The following ITPR2 variants were observed in gnomAD, a reference collection of about 807,000 sequenced individuals.
ITPR2 encodes inositol 1,4,5-trisphosphate receptor type 2.
ITPR2 carries 207 observed loss-of-function variants against 317.1 expected under a neutral mutation model. The observed-to-expected ratio is 0.65, with a 90% confidence interval of 0.58 to 0.73. ITPR2 has a LOEUF of 0.73. ITPR2 is among the 30% of genes least tolerant of loss of function. The pLI is 0.00. For missense variants in ITPR2, 2,613 were observed against 3,284.0 expected, an observed-to-expected ratio of 0.80 and a Z score of 4.99; for synonymous variants, 1,156 against 1,149.1, an observed-to-expected ratio of 1.01 and a Z score of -0.12.
At chr12:26,651,679 AGTG>A (rs1947258050) in intron 21 of ITPR2, among the ~76,000 whole-genome samples, 1 of 152,324 alleles carries the variant, frequency 6.6e-6, no homozygotes, top group East Asian at 1.9e-4. Flanking sequence ...TTGGTCTTAC[AGTG>A]GTTTCACATA....
At chr12:26,559,559 ATACTAATACTAT>A (rs1362895862) in intron 35 of ITPR2, among the ~76,000 whole-genome samples, 2 of 15,628 alleles carry the variant, frequency 1.3e-4, no homozygotes, top group Non-Finnish European at 9.0e-4. Flanking sequence ...CCTAATACTA[ATACTAATACTAT>A]CCCCTTGGGG....
intron 9 of ITPR2, among the ~76,000 whole-genome samples, chr12:26,696,256 A>G (rs1245776879): frequency 6.6e-6 from 1 of 152,146 alleles, no homozygotes; most frequent in Non-Finnish European, 1.5e-5. Context: ...GTTGAAATCC[A>G]TGACTCCTCA....
chr12:26,566,455 GGAGGA>G (rs1385326733), intron 34 of ITPR2, among the ~76,000 whole-genome samples: 3 of 135,668 alleles, frequency 2.2e-5, no homozygotes, highest in Non-Finnish European at 3.2e-5. Context: ...AAAGAGGGGA[GGAGGA>G]GAGGAGAGGA....
intron 34 of ITPR2, among the ~76,000 whole-genome samples, chr12:26,573,088 G>C (rs796403431): frequency 6.6e-6 from 1 of 151,624 alleles, no homozygotes; most frequent in Non-Finnish European, 1.5e-5. Context: ...GTAGTGGTGC[G>C]AACATAGCTC....
intron 37 of ITPR2, among the ~76,000 whole-genome samples, chr12:26,528,013 C>T (rs1438285053): frequency 3.3e-5 from 5 of 152,190 alleles, no homozygotes; most frequent in Admixed American, 3.3e-4. Context: ...TAGCAAAGTC[C>T]TCCCCAAGTT....
At chr12:26,458,690 AT>A (rs200515475) in intron 45 of ITPR2, among the ~76,000 whole-genome samples, 1,554 of 152,334 alleles carry the variant, frequency 0.01, 22 homozygotes, top group African/African-American at 0.035. Context: ...CCAAATAAAA[AT>A]TGTTTTCTGT....
intron 21 of ITPR2, among the ~76,000 whole-genome samples, chr12:26,640,608 TA>T (rs1946963290): frequency 6.6e-6 from 1 of 152,176 alleles, no homozygotes; most frequent in Non-Finnish European, 1.5e-5. Context: ...TCTCAGTCAA[TA>T]AATCTGAATC....
chr12:26,509,814 C>T lies in ITPR2; in HGVS notation c.5074-14554G>A, dbSNP rs1193758064. Among the ~76,000 whole-genome samples, 2 of 151,918 alleles carry T rather than the reference C, an allele frequency of 1.3e-5. 1 individual carries two copies. The highest frequency in any genetic ancestry group is 4.2e-4 in the South Asian group (2 of 4,816). On this transcript the variant is annotated intron_variant, in intron 37 of 56. Transcript: ENST00000381340. The stretch of plus-strand genomic sequence containing the variant: ...ATAGGCTAGACAGTTTCCATGGATA[C>T]CTCACACTACTTGATGTGTAGAAAC...
chr12:26,355,562 T>C (rs766149991), intron 55 of ITPR2, among the ~76,000 whole-genome samples: 1 of 152,226 alleles, frequency 6.6e-6, no homozygotes, highest in Non-Finnish European at 1.5e-5. Context: ...AAAAAATGCC[T>C]ATAACAATGG....
intron 2 of ITPR2, among the ~76,000 whole-genome samples, chr12:26,782,329 A>T (rs1297104834): frequency 6.6e-6 from 1 of 151,986 alleles, no homozygotes; most frequent in Non-Finnish European, 1.5e-5. Flanking sequence ...CATAAAACAA[A>T]CAAAGTAGTA....
At chr12:26,600,293 A>C (rs1945965167) in intron 28 of ITPR2, among the ~76,000 whole-genome samples, 184 bp from the exon 29 acceptor site, 2 of 150,518 alleles carry the variant, frequency 1.3e-5, no homozygotes, top group South Asian at 2.1e-4. Context: ...TGTTTTCTAG[A>C]TCTTTCTCAC....
intron 2 of ITPR2, among the ~76,000 whole-genome samples, chr12:26,755,534 G>A (rs933982489): frequency 1.3e-5 from 2 of 152,144 alleles, no homozygotes; most frequent in Non-Finnish European, 2.9e-5. Context: ...AGTTATTTAA[G>A]GCTTGTAACA....
At chr12:26,796,815 A>G (rs1459590578) in intron 1 of ITPR2, among the ~76,000 whole-genome samples, 1 of 152,156 alleles carries the variant, frequency 6.6e-6, no homozygotes, top group African/African-American at 2.4e-5. Flanking sequence ...GGATTGCCTG[A>G]GGTCAGGAGT....
chr12:26,611,687 T>A (rs1289186426), intron 26 of ITPR2, among the ~76,000 whole-genome samples: 3 of 151,996 alleles, frequency 2.0e-5, no homozygotes, highest in Admixed American at 6.6e-5. Flanking sequence ...ACAATCAAAA[T>A]AAACAACATG....
rs116227605 is a variant in ITPR2, at chr12:26,433,452, C to T, written c.6769+2769G>A. Among the ~76,000 whole-genome samples the T allele has an allele frequency of 2.7e-3, 413 of 152,186 alleles. 4 individuals are homozygous for T. The highest frequency in any genetic ancestry group is 9.5e-3 in the African/African-American group (395 of 41,494). On this transcript the variant is annotated intron_variant, in intron 48 of 56. Coordinates refer to ENST00000381340, the MANE Select transcript of ITPR2 (RefSeq NM_002223.4). ...TTGATGCCATGGGAATGTCTTATAC[C>T]AAGATAGTATGTGATTTTTAAAAAT...
intron 45 of ITPR2, among the ~76,000 whole-genome samples, chr12:26,469,687 C>T (rs1272198105): frequency 1.3e-5 from 2 of 152,056 alleles, no homozygotes; most frequent in African/African-American, 2.4e-5. Context: ...TTTACCACTG[C>T]ATTCCTAGTA....
In ITPR2 at chr12:26,782,015, T is replaced by G. The variant is rs1227770516; in HGVS notation, c.163+8142A>C. Among the ~76,000 whole-genome samples, 222 of 55,964 alleles carry G rather than the reference T, an allele frequency of 4.0e-3. 4 individuals are homozygous for G. Among genetic ancestry groups the G allele is most frequent in the African/African-American group, 0.011 (177 of 15,628 alleles). The allele number at this position is 55,964 out of a possible 152,430, so 36.7% of individuals were successfully genotyped here. A position where few individuals can be genotyped will look rare whatever the true frequency, so the allele number is the denominator to read the frequency against. ...CTGTATATATATATATATATATATA[T>G]ATATATATATATATATATGTATAGA... On this transcript the variant is annotated intron_variant, in intron 2 of 56. Coordinates refer to ENST00000381340, the MANE Select transcript of ITPR2 (RefSeq NM_002223.4).
At chr12:26,716,382 A>G in intron 5 of ITPR2, 140 bp from the exon 6 acceptor site, 1 of 584,964 alleles carries the variant, frequency 1.7e-6, no homozygotes, top group Non-Finnish European at 3.0e-6. Flanking sequence ...TTTTCATACA[A>G]TCCTTTTTCT....
At chr12:26,630,455 A>G (rs1403637590) in intron 22 of ITPR2, 1 of 152,338 alleles carries the variant, frequency 6.6e-6, no homozygotes, top group Non-Finnish European at 1.5e-5. Context: ...GGAAAAAAAA[A>G]AAGAAGACCC....
Sources: gnomAD v4.1 joint callset for allele counts (sites outside exome capture counted in the v4.1 genomes callset) on GRCh38, gnomAD v4.1.1 for gene constraint, MANE v1.5 for transcripts, NCBI Gene and HGNC (gene_info 2026-07-23, HGNC 2026-07-21) for gene names.